The following ARHGAP15 variants were observed in gnomAD, a reference collection of about 807,000 sequenced individuals.
ARHGAP15 encodes rho GTPase-activating protein 15.
A neutral mutation model predicts 63.7 loss-of-function variants in ARHGAP15; 51 were observed. The ratio of observed to expected loss-of-function variants is 0.80; its 90% CI spans 0.64 to 1.01. The LOEUF (loss-of-function observed/expected upper bound fraction) is 1.01, where lower values mean the gene tolerates loss of function less well. Among genes scored for constraint, ARHGAP15 ranks in the 50% least tolerant of loss-of-function variants. The probability of loss-of-function intolerance (pLI) is 0.00; values close to 1 mark genes in which losing one functional copy is unlikely to be tolerated. For missense variants in ARHGAP15, 560 were observed against 564.6 expected, an observed-to-expected ratio of 0.99 and a Z score of 0.08; for synonymous variants, 191 against 193.8, an observed-to-expected ratio of 0.99 and a Z score of 0.12.
intron 12 of ARHGAP15, among the ~76,000 whole-genome samples, chr2:143,626,801 C>G (rs1442124200): frequency 6.6e-6 from 1 of 152,124 alleles, no homozygotes; most frequent in African/African-American, 2.4e-5. Context: ...AAAAGTTCTC[C>G]AAGTCCCCGC....
chr2:143,729,892 A>G (rs1261429032), intron 13 of ARHGAP15, among the ~76,000 whole-genome samples: 1 of 147,876 alleles, frequency 6.8e-6, no homozygotes, highest in Non-Finnish European at 1.5e-5. Flanking sequence ...TGGAAGAAGT[A>G]TAAGTTTAGG....
chr2:143,743,484 T>C (rs11687380), intron 13 of ARHGAP15, among the ~76,000 whole-genome samples: 42,315 of 151,978 alleles, frequency 0.28, 7,350 homozygotes, highest in Middle Eastern at 0.4. Flanking sequence ...TTCCCGCAGA[T>C]GTTCTTTCCC....
At chr2:143,455,697 C>T (rs1265562376) in intron 8 of ARHGAP15, among the ~76,000 whole-genome samples, 1 of 152,058 alleles carries the variant, frequency 6.6e-6, no homozygotes, top group Non-Finnish European at 1.5e-5. Flanking sequence ...GTATTTTGAT[C>T]TAATTTACAT....
chr2:143,515,675 T>A (rs886296770), intron 9 of ARHGAP15, among the ~76,000 whole-genome samples: 54 of 152,204 alleles, frequency 3.5e-4, no homozygotes, highest in African/African-American at 1.3e-3. Flanking sequence ...TCACCCAAAG[T>A]TGCAGAGCAG....
intron 12 of ARHGAP15, among the ~76,000 whole-genome samples, chr2:143,655,966 A>G (rs369543546): frequency 2.0e-5 from 3 of 152,222 alleles, no homozygotes; most frequent in African/African-American, 7.2e-5. Context: ...TCTATGCAGT[A>G]TGTGGTTTTT....
At chr2:143,524,624 T>C (rs1182030132) in intron 10 of ARHGAP15, among the ~76,000 whole-genome samples, 1 of 152,192 alleles carries the variant, frequency 6.6e-6, no homozygotes, top group Admixed American at 6.5e-5. Flanking sequence ...GTAATTCCTC[T>C]ACTGTTAGGA....
At chr2:143,401,478 A>C (rs1252763605) in intron 6 of ARHGAP15, among the ~76,000 whole-genome samples, 1 of 152,006 alleles carries the variant, frequency 6.6e-6, no homozygotes, top group East Asian at 1.9e-4. Flanking sequence ...CTGAGAACTT[A>C]TGTACAAAAC....
At chr2:143,432,684 A>T (rs1005958991) in intron 6 of ARHGAP15, among the ~76,000 whole-genome samples, 1 of 152,060 alleles carries the variant, frequency 6.6e-6, no homozygotes, top group Non-Finnish European at 1.5e-5. Context: ...AAGAATTCAG[A>T]TGGACCCTTA....
chr2:143,643,841 G>A (rs1680733849), intron 12 of ARHGAP15, among the ~76,000 whole-genome samples: 1 of 152,078 alleles, frequency 6.6e-6, no homozygotes, highest in Admixed American at 6.6e-5. Context: ...AGATAACCAA[G>A]AGGATAGAAA....
At chr2:143,538,940 G>T (rs529040775) in intron 10 of ARHGAP15, among the ~76,000 whole-genome samples, 34 of 152,198 alleles carry the variant, frequency 2.2e-4, no homozygotes, top group Non-Finnish European at 3.1e-4. Flanking sequence ...GATTGGTATA[G>T]TTTCAGAAGG....
chr2:143,397,491 G>A (rs1427926863), intron 6 of ARHGAP15, among the ~76,000 whole-genome samples: 3 of 151,600 alleles, frequency 2.0e-5, no homozygotes, highest in Non-Finnish European at 2.9e-5. Flanking sequence ...AGATTCTAAA[G>A]GAAGAGAATA....
At chr2:143,610,903 AT>A (rs1259571671) in intron 11 of ARHGAP15, among the ~76,000 whole-genome samples, 1 of 151,814 alleles carries the variant, frequency 6.6e-6, no homozygotes, top group East Asian at 1.9e-4. Flanking sequence ...TAATTTTTGT[AT>A]TTTTAGTAGA....
intron 6 of ARHGAP15, among the ~76,000 whole-genome samples, chr2:143,317,602 G>T (rs1016497359): frequency 1.3e-5 from 2 of 152,200 alleles, no homozygotes; most frequent in East Asian, 3.8e-4. Flanking sequence ...CATACCTGTG[G>T]AATTGACAGT....
intron 5 of ARHGAP15, among the ~76,000 whole-genome samples, chr2:143,241,932 G>C (rs980801291): frequency 1.3e-5 from 2 of 152,192 alleles, no homozygotes; most frequent in Admixed American, 1.3e-4. Context: ...GAGAGAAAAG[G>C]GTCTGCAAGT....
intron 6 of ARHGAP15, among the ~76,000 whole-genome samples, chr2:143,316,074 G>A (rs979283943): frequency 9.2e-5 from 14 of 152,068 alleles, no homozygotes; most frequent in East Asian, 7.7e-4. Context: ...AGACAAGAGC[G>A]AAACTCTGTC....
chr2:143,154,739 T>C (rs544928841), intron 1 of ARHGAP15, among the ~76,000 whole-genome samples: 8 of 151,936 alleles, frequency 5.3e-5, no homozygotes, highest in Non-Finnish European at 1.2e-4. Context: ...TGCCACAGTT[T>C]AGTTCTCTTT....
intron 6 of ARHGAP15, among the ~76,000 whole-genome samples, chr2:143,326,971 G>C (rs1684280052): frequency 1.3e-5 from 2 of 152,158 alleles, no homozygotes. Flanking sequence ...AAGGAAGTCA[G>C]ATTGTCTCTG....
At chr2:143,623,742 C>T (rs966416349) in intron 11 of ARHGAP15, among the ~76,000 whole-genome samples, 3 of 152,258 alleles carry the variant, frequency 2.0e-5, no homozygotes, top group African/African-American at 7.2e-5. Context: ...CTCAGCAAGG[C>T]CTTTAGGCCG....
At chr2:143,400,748 C>A (rs1044840471) in intron 6 of ARHGAP15, among the ~76,000 whole-genome samples, 4 of 151,900 alleles carry the variant, frequency 2.6e-5, no homozygotes, top group Non-Finnish European at 5.9e-5. Flanking sequence ...TGCTGGATGA[C>A]AAATAGTTAA....
Sources: allele counts gnomAD v4.1 joint callset (sites outside exome capture counted in the v4.1 genomes callset), GRCh38; gene constraint gnomAD v4.1.1; transcripts MANE v1.5; gene names NCBI Gene and HGNC (gene_info 2026-07-23, HGNC 2026-07-21).